RINT1: variants seen among roughly 807,000 people sequenced by gnomAD.
The protein encoded by RINT1 is RAD50 interactor 1.
In RINT1, 75 loss-of-function variants were observed where a neutral mutation model predicts 97.7. The observed-to-expected ratio is 0.77, with a 90% CI of 0.64 to 0.93. The LOEUF is 0.93. Ranked by LOEUF, RINT1 falls within the 40% of genes least tolerant of loss-of-function variation. The pLI is 0.00. For missense variants in RINT1, 892 were observed against 925.2 expected, an observed-to-expected ratio of 0.96 and a Z score of 0.47; for synonymous variants, 303 against 326.3, an observed-to-expected ratio of 0.93 and a Z score of 0.77.
rs77227998 is a variant in RINT1 at position 105,553,790 on chromosome 7, G to A, written c.1472-1238G>A. On this transcript the variant is annotated intron_variant, in intron 10 of 14. Transcript: ENST00000257700. ...GGCTGGAGTGCTGTGGCGCAATCTC[G>A]GCTCACTGCAAGCTCCACCTCCTGG... Among the ~76,000 whole-genome samples, 894 of 144,626 alleles carry A rather than the reference G, an allele frequency of 6.2e-3. 14 individuals are homozygous for A. The highest frequency in any genetic ancestry group is 0.035 in the East Asian group (171 of 4,826). The allele number at this position is 144,626 out of a possible 152,430, so 94.9% of individuals were successfully genotyped here.
Position 105,565,294 on chromosome 7 carries a change from C to G in RINT1, c.1904C>G (p.Ser635Cys). The G allele has an allele frequency of 6.3e-7, 1 of 1,596,646 alleles. No individual in the cohort carries two copies. The highest frequency in any genetic ancestry group is 8.6e-7 in the Non-Finnish European group (1 of 1,168,858). The stretch of plus-strand genomic sequence containing the variant: ...TTTTCCAGATGGTTGTCCTTGCCAT[C>G]TCAGTCAGAGCAGGCAGTGATGTCC... ...YKKERWLSLP[S>C]QSEQAVMSLS... The change falls in exon 13 of 15, where the codon TCT becomes TGT. Residue 635 changes from serine to cysteine, a missense_variant. Transcript: ENST00000257700.
intron 11 of RINT1, among the ~76,000 whole-genome samples, chr7:105,562,410 C>A (rs1379623473): frequency 6.6e-6 from 1 of 152,132 alleles, no homozygotes; most frequent in African/African-American, 2.4e-5. Flanking sequence ...CCACACTCAG[C>A]TAATTTTTAA....
rs1350432366 is a variant in RINT1 at position 105,536,641 on chromosome 7, T to A, written c.165T>A (p.Tyr55Ter). ...CAGATAATGGTGATCTCCCTTCTTA[T>A]GTGTCTGCATTCATAGAAAAGGAAG... ...EGTDNGDLPS[Y>*]VSAFIEKEVG... The change falls in exon 3 of 15, where the codon TAT becomes TAA. Residue 55 changes from tyrosine (Y) to a stop codon, truncating the protein, a stop_gained. Coordinates refer to ENST00000257700, the MANE Select transcript of RINT1 (RefSeq NM_021930.6). LOFTEE classifies it high-confidence loss of function. 3 of 1,612,694 alleles carry A rather than the reference T, an allele frequency of 1.9e-6. No homozygotes were observed. The highest frequency in any genetic ancestry group is 2.5e-6 in the Non-Finnish European group (3 of 1,179,018).
intron 9 of RINT1, among the ~76,000 whole-genome samples, chr7:105,550,850 G>A (rs961952282): frequency 7.9e-5 from 12 of 152,150 alleles, no homozygotes; most frequent in South Asian, 4.1e-4. Context: ...CACCCCCTGC[G>A]TTCAAGCGAT....
Position 105,541,140 on chromosome 7 carries a change from CATT to C in RINT1, c.274-1267_274-1265del, listed in dbSNP as rs1223604804. ...GGTGTGAGTCACCGCACCCAGCTTG[CATT>C]TTTTTTTTTCTTCTTTGAGGAGTCT... is the stretch of plus-strand genomic sequence containing the variant. On this transcript the variant is annotated intron_variant, in intron 3 of 14. Transcript: ENST00000257700. Among the ~76,000 whole-genome samples the C allele has an allele frequency of 2.0e-5, 3 of 148,218 alleles. No homozygotes were observed. In the East Asian group the frequency reaches 6.1e-4, roughly 30 times the overall value.
intron 3 of RINT1, chr7:105,542,205 C>CCGT: frequency 5.9e-6 from 3 of 506,388 alleles, no homozygotes; most frequent in Non-Finnish European, 6.9e-6. Context: ...TGTAGTGGTG[C>CCGT]ATATGTGTAG....
chr7:105,546,183 A>G (rs1212001008), intron 4 of RINT1, among the ~76,000 whole-genome samples: 2 of 152,182 alleles, frequency 1.3e-5, no homozygotes, highest in African/African-American at 2.4e-5. Context: ...AAAGTATGTA[A>G]CAATTGAAGA....
intron 2 of RINT1, 31 bp from the exon 3 acceptor site, chr7:105,536,534 G>A: frequency 1.4e-6 from 2 of 1,437,408 alleles, no homozygotes; most frequent in Non-Finnish European, 1.9e-6. Flanking sequence ...GTACTTAGTG[G>A]CGTTGAGTAA....
Position 105,567,466 on chromosome 7 carries a change from C to T in RINT1, c.*155C>T. ...ATTTATGGTGTTATTAAAATGCTGA[C>T]CATATTTCCTTCATCCTCTTGTTCC... On this transcript the variant is annotated 3_prime_UTR_variant, in exon 15 of 15. Transcript: ENST00000257700. The T allele has an allele frequency of 1.4e-6, 1 of 717,182 alleles. No individual in the cohort carries two copies. The highest frequency in any genetic ancestry group is 1.5e-5 in the South Asian group (1 of 66,900). 44.4% of individuals were successfully genotyped at this position (717,182 alleles called of 1,614,324 possible). A position where few individuals can be genotyped will look rare whatever the true frequency, so the allele number is the denominator to read the frequency against.
At chr7:105,546,245 A>G (rs542024172) in intron 4 of RINT1, among the ~76,000 whole-genome samples, 2 of 152,370 alleles carry the variant, frequency 1.3e-5, no homozygotes, top group East Asian at 3.9e-4. Flanking sequence ...TTGGATTAAG[A>G]TACTGAAGAC....
chr7:105,553,458 C>T (rs1212317629), intron 10 of RINT1, among the ~76,000 whole-genome samples: 4 of 150,820 alleles, frequency 2.7e-5, no homozygotes, highest in South Asian at 2.1e-4. Context: ...CGGTGGCTCA[C>T]ACCTGTAATC....
chr7:105,551,941 G>T (rs1038856462), intron 10 of RINT1, among the ~76,000 whole-genome samples: 1 of 152,058 alleles, frequency 6.6e-6, no homozygotes. Flanking sequence ...GGTGGTGTGT[G>T]CCTGTAGTCC....
At chr7:105,558,920 A>G (rs1197848375) in intron 11 of RINT1, among the ~76,000 whole-genome samples, 2 of 151,974 alleles carry the variant, frequency 1.3e-5, no homozygotes, top group African/African-American at 4.8e-5. Context: ...TCATCACACT[A>G]CTGCACTCCA....
At chr7:105,565,254 T>C (rs778159459) in intron 12 of RINT1, 23 bp from the exon 13 acceptor site, 25 of 1,556,212 alleles carry the variant, frequency 1.6e-5, no homozygotes, top group Middle Eastern at 1.7e-4. Flanking sequence ...GAAAATTTTT[T>C]GGTAAAAATG....
chr7:105,535,830 G>A (rs1335015851), intron 2 of RINT1: 6 of 222,336 alleles, frequency 2.7e-5, no homozygotes, highest in East Asian at 2.4e-4. Context: ...GAGCCCCTGC[G>A]CCCGGTCTTT....
At chr7:105,536,436 G>A in intron 2 of RINT1, 129 bp from the exon 3 acceptor site, 1 of 584,240 alleles carries the variant, frequency 1.7e-6, no homozygotes, top group Non-Finnish European at 2.9e-6. Flanking sequence ...TGGGATCACA[G>A]GTGTGAGCCA....
At position 105,553,887 on chromosome 7, in the gene RINT1, A is replaced by ATTTTTTTTT. The variant is rs776924728; in HGVS notation, c.1472-1120_1472-1112dup. On this transcript the variant is annotated intron_variant, in intron 10 of 14. Transcript: ENST00000257700. ...AGGCACCCGTCACCATACCCAGCTA[A>ATTTTTTTTT]TTTTTTTTTTTTTTTTTTTTTTTTT... Among the ~76,000 whole-genome samples, 3 of 71,152 alleles carry ATTTTTTTTT rather than the reference A, an allele frequency of 4.2e-5. 1 individual carries two copies. The highest frequency in any genetic ancestry group is 7.9e-5 in the Non-Finnish European group (3 of 37,748). 46.7% of individuals were successfully genotyped at this position (71,152 alleles called of 152,430 possible). A position where few individuals can be genotyped will look rare whatever the true frequency, so the allele number is the denominator to read the frequency against.
At chr7:105,556,752 A>T in intron 11 of RINT1, among the ~76,000 whole-genome samples, 1 of 152,158 alleles carries the variant, frequency 6.6e-6, no homozygotes, top group East Asian at 1.9e-4. Flanking sequence ...AAGTATAATT[A>T]TTAAGTAGTA....
chr7:105,535,834 G>A (rs555586512), intron 2 of RINT1: 9 of 219,984 alleles, frequency 4.1e-5, no homozygotes, highest in Admixed American at 2.6e-4. Context: ...CCCTGCGCCC[G>A]GTCTTTTTAA....
Sources: gnomAD v4.1 joint callset for allele counts (sites outside exome capture counted in the v4.1 genomes callset) on GRCh38, gnomAD v4.1.1 for gene constraint, MANE v1.5 for transcripts, NCBI Gene and HGNC (gene_info 2026-07-23, HGNC 2026-07-21) for gene names.